RABGAP1L: variants seen among roughly 807,000 people sequenced by gnomAD.
The protein encoded by RABGAP1L is RAB GTPase activating protein 1 like.
A neutral mutation model predicts 137.7 loss-of-function variants in RABGAP1L; 63 were observed. That is an observed-to-expected ratio of 0.46 (90% CI 0.37 to 0.56). The LOEUF (loss-of-function observed/expected upper bound fraction) is 0.56. RABGAP1L is among the 20% of genes least tolerant of loss of function. The pLI is 0.00. For synonymous variants in RABGAP1L, 431 were observed against 433.7 expected (o/e 0.99, Z 0.08); for missense variants, 1,095 against 1,244.0 (o/e 0.88, Z 1.80).
chr1:174,171,085 G>A (rs974282271), intron 1 of RABGAP1L, among the ~76,000 whole-genome samples: 2 of 152,114 alleles, frequency 1.3e-5, no homozygotes, highest in East Asian at 3.8e-4. Context: ...ATAAAAAGTG[G>A]ATCAGATGAT....
At chr1:174,445,246 T>C (rs1320716377) in intron 13 of RABGAP1L, among the ~76,000 whole-genome samples, 2 of 152,152 alleles carry the variant, frequency 1.3e-5, no homozygotes, top group Non-Finnish European at 2.9e-5. Context: ...AAGTTTAAAA[T>C]AGTGAATGTT....
intron 10 of RABGAP1L, among the ~76,000 whole-genome samples, chr1:174,287,941 C>G (rs1676213502): frequency 6.6e-6 from 1 of 151,978 alleles, no homozygotes; most frequent in African/African-American, 2.4e-5. Flanking sequence ...AATTTGGTGA[C>G]TTTTTGTGAT....
chr1:174,293,079 G>A (rs61659228), intron 10 of RABGAP1L, among the ~76,000 whole-genome samples: 6,389 of 151,764 alleles, frequency 0.042, 460 homozygotes, highest in African/African-American at 0.15. Flanking sequence ...ATGGAAAGTG[G>A]AAAATTATGA....
intron 19 of RABGAP1L, among the ~76,000 whole-genome samples, chr1:174,893,719 G>C (rs1656652245): frequency 6.6e-6 from 1 of 152,086 alleles, no homozygotes; most frequent in East Asian, 1.9e-4. Context: ...TCAGGATCTT[G>C]ACAACTATCA....
At chr1:174,185,674 A>G (rs1666742541) in intron 1 of RABGAP1L, among the ~76,000 whole-genome samples, 1 of 152,190 alleles carries the variant, frequency 6.6e-6, no homozygotes, top group Non-Finnish European at 1.5e-5. Context: ...ATACCACATA[A>G]CTTAATTAAC....
chr1:174,285,980 G>C (rs1676023648), intron 10 of RABGAP1L, among the ~76,000 whole-genome samples: 1 of 152,116 alleles, frequency 6.6e-6, no homozygotes, highest in Non-Finnish European at 1.5e-5. Flanking sequence ...ATTTCAGCTT[G>C]CTAGTGTTTT....
At chr1:174,464,868 T>C (rs1298341252) in intron 13 of RABGAP1L, among the ~76,000 whole-genome samples, 1 of 152,144 alleles carries the variant, frequency 6.6e-6, no homozygotes, top group Non-Finnish European at 1.5e-5. Flanking sequence ...AACTTTAGGT[T>C]AACTGATAAC....
chr1:174,504,027 C>T (rs1371178487), intron 13 of RABGAP1L, among the ~76,000 whole-genome samples: 3 of 150,370 alleles, frequency 2.0e-5, no homozygotes. Context: ...GGCTGGAGTG[C>T]AGTGGTGTAA....
At chr1:174,619,226 A>G (rs568250276) in intron 13 of RABGAP1L, among the ~76,000 whole-genome samples, 5 of 152,344 alleles carry the variant, frequency 3.3e-5, no homozygotes, top group Non-Finnish European at 5.9e-5. Flanking sequence ...GCAGGATATT[A>G]TCCAGGAGAA....
chr1:174,201,862 T>C (rs1240115607), intron 1 of RABGAP1L, among the ~76,000 whole-genome samples: 1 of 144,200 alleles, frequency 6.9e-6, no homozygotes, highest in Non-Finnish European at 1.5e-5. Flanking sequence ...CCATGTGTTC[T>C]CATTGTTCAA....
chr1:174,517,357 T>C (rs763411662), intron 13 of RABGAP1L, among the ~76,000 whole-genome samples: 2 of 152,166 alleles, frequency 1.3e-5, no homozygotes, highest in Non-Finnish European at 2.9e-5. Flanking sequence ...TGCAATATTT[T>C]TATATCCCTG....
intron 1 of RABGAP1L, among the ~76,000 whole-genome samples, chr1:174,201,399 T>C (rs1209896309): frequency 6.6e-6 from 1 of 152,160 alleles, no homozygotes; most frequent in African/African-American, 2.4e-5. Flanking sequence ...AGTTTCACCA[T>C]GTTGGTTAGT....
At chr1:174,423,244 C>G (rs1324369996) in intron 13 of RABGAP1L, among the ~76,000 whole-genome samples, 3 of 152,052 alleles carry the variant, frequency 2.0e-5, no homozygotes, top group African/African-American at 7.2e-5. Flanking sequence ...ATTGCACTAT[C>G]TTTTGTTGTT....
chr1:174,610,019 C>T (rs1172500970), intron 13 of RABGAP1L, among the ~76,000 whole-genome samples: 1 of 148,322 alleles, frequency 6.7e-6, no homozygotes, highest in African/African-American at 2.5e-5. Context: ...TTAGAAAAGA[C>T]ATTTTGGTAT....
At chr1:174,546,252 A>G (rs55748748) in intron 13 of RABGAP1L, among the ~76,000 whole-genome samples, 31,917 of 152,152 alleles carry the variant, frequency 0.21, 3,692 homozygotes, top group Admixed American at 0.25. Flanking sequence ...AGTGAAGAGT[A>G]TACTATAACC....
intron 19 of RABGAP1L, among the ~76,000 whole-genome samples, chr1:174,820,654 T>C (rs75479951): frequency 0.021 from 3,211 of 152,284 alleles, 51 homozygotes; most frequent in Middle Eastern, 0.085. Flanking sequence ...TTAATTCCCT[T>C]ATTGGGGGTT....
chr1:174,668,949 T>G, intron 14 of RABGAP1L, among the ~76,000 whole-genome samples: 1 of 152,182 alleles, frequency 6.6e-6, no homozygotes, highest in East Asian at 1.9e-4. Flanking sequence ...TTAAATTGGG[T>G]TGTTTGTTTT....
rs555647005 is a variant in RABGAP1L at position 174,787,192 on chromosome 1, C to T, written c.2212-24640C>T. ...CCGAGGTGGGTGGATCACCTGAGGT[C>T]AGGAGTTCCAGACCAGCCTGGCCAA... is the stretch of plus-strand genomic sequence containing the variant. On this transcript the variant is annotated intron_variant, in intron 18 of 25. Transcript: ENST00000681986. 1.5e-4 allele frequency among the ~76,000 whole-genome samples: 23 copies of T among 152,150 alleles called. No homozygotes were observed. In the East Asian group the frequency reaches 3.9e-3, roughly 26 times the overall value.
At chr1:174,276,253 C>T (rs1558091635) in intron 9 of RABGAP1L, among the ~76,000 whole-genome samples, 1 of 152,288 alleles carries the variant, frequency 6.6e-6, no homozygotes, top group East Asian at 1.9e-4. Context: ...AATCCTCCCA[C>T]CTCAGCCTCC....
Sources: allele counts gnomAD v4.1 joint callset (sites outside exome capture counted in the v4.1 genomes callset), GRCh38; gene constraint gnomAD v4.1.1; transcripts MANE v1.5; gene names NCBI Gene and HGNC (gene_info 2026-07-23, HGNC 2026-07-21).